The following RSPO2 variants were observed in gnomAD, a reference collection of about 807,000 sequenced individuals.
RSPO2 encodes the protein R-spondin-2.
Under a neutral mutation model 30.9 loss-of-function variants are expected in RSPO2, and 14 were observed. The ratio of observed to expected loss-of-function variants is 0.45; its 90% CI spans 0.30 to 0.71. The LOEUF (loss-of-function observed/expected upper bound fraction) is 0.71. RSPO2 is among the 30% of genes least tolerant of loss of function. The pLI is 0.08. For missense variants in RSPO2, 264 were observed against 301.9 expected, an observed-to-expected ratio of 0.87 and a Z score of 0.93; for synonymous variants, 107 against 96.4, an observed-to-expected ratio of 1.11 and a Z score of -0.64.
At chr8:107,915,301 T>C (rs1811945239) in intron 5 of RSPO2, among the ~76,000 whole-genome samples, 1 of 152,156 alleles carries the variant, frequency 6.6e-6, no homozygotes, top group African/African-American at 2.4e-5. Context: ...AGGGAATCTG[T>C]AGCTCTATTT....
At chr8:108,081,452 A>C (rs187051256) in intron 2 of RSPO2, among the ~76,000 whole-genome samples, 32 of 152,384 alleles carry the variant, frequency 2.1e-4, no homozygotes, top group African/African-American at 5.5e-4. Context: ...CTAATTGCGC[A>C]AAAGTCCAAA....
intron 2 of RSPO2, among the ~76,000 whole-genome samples, chr8:108,047,144 T>C (rs1811929683): frequency 6.6e-6 from 1 of 152,178 alleles, no homozygotes; most frequent in Non-Finnish European, 1.5e-5. Context: ...GACGAGCAAT[T>C]GGTAATATTT....
At chr8:108,065,333 A>G (rs1355175473) in intron 2 of RSPO2, among the ~76,000 whole-genome samples, 1 of 151,486 alleles carries the variant, frequency 6.6e-6, no homozygotes, top group Non-Finnish European at 1.5e-5. Flanking sequence ...GCACTTTACT[A>G]GTAAGAAAAG....
At chr8:108,062,819 A>G (rs913595571) in intron 2 of RSPO2, among the ~76,000 whole-genome samples, 1 of 151,826 alleles carries the variant, frequency 6.6e-6, no homozygotes, top group Non-Finnish European at 1.5e-5. Flanking sequence ...AGCACATCAA[A>G]AAGCTTATCC....
intron 3 of RSPO2, among the ~76,000 whole-genome samples, chr8:107,978,499 C>T (rs1814295932): frequency 6.6e-6 from 1 of 152,170 alleles, no homozygotes. Context: ...GAAACTGGAT[C>T]CCTTCCTTAC....
intron 5 of RSPO2, among the ~76,000 whole-genome samples, chr8:107,915,626 G>T (rs958877863): frequency 1.3e-5 from 2 of 151,986 alleles, no homozygotes; most frequent in Non-Finnish European, 2.9e-5. Flanking sequence ...ATGTGGAGTG[G>T]ATCTCAGAAG....
intron 3 of RSPO2, among the ~76,000 whole-genome samples, chr8:107,966,353 T>C (rs1813804718): frequency 6.6e-6 from 1 of 151,956 alleles, no homozygotes; most frequent in Non-Finnish European, 1.5e-5. Context: ...GAAAACAAGG[T>C]CCTTACACCT....
intron 2 of RSPO2, among the ~76,000 whole-genome samples, chr8:108,076,526 T>C (rs1813019393): frequency 6.6e-6 from 1 of 152,152 alleles, no homozygotes; most frequent in East Asian, 1.9e-4. Flanking sequence ...TAATCCGATA[T>C]AGTTTAGGCA....
chr8:107,917,158 G>A (rs1037736686), intron 5 of RSPO2, among the ~76,000 whole-genome samples: 28 of 152,228 alleles, frequency 1.8e-4, no homozygotes, highest in African/African-American at 6.5e-4. Flanking sequence ...GAAAAGCCAA[G>A]TTTCTTCTAT....
chr8:108,063,594 T>C (rs374173868), intron 2 of RSPO2, among the ~76,000 whole-genome samples: 1 of 151,704 alleles, frequency 6.6e-6, no homozygotes. Flanking sequence ...ATCATGAAAA[T>C]GGCCATACTG....
At chr8:107,979,707 T>C (rs1814356710) in intron 3 of RSPO2, among the ~76,000 whole-genome samples, 1 of 152,008 alleles carries the variant, frequency 6.6e-6, no homozygotes, top group East Asian at 1.9e-4. Context: ...CTGTGAGTCA[T>C]TGAGGTCTCT....
chr8:107,929,048 T>C (rs886441662), intron 5 of RSPO2, among the ~76,000 whole-genome samples: 3 of 152,164 alleles, frequency 2.0e-5, no homozygotes, highest in Non-Finnish European at 4.4e-5. Context: ...CTGACACTGT[T>C]GCAAGGCCAA....
At chr8:108,001,720 G>T (rs2514827) in intron 2 of RSPO2, among the ~76,000 whole-genome samples, 97,964 of 151,880 alleles carry the variant, frequency 0.65, 33,844 homozygotes, top group African/African-American at 0.87. Flanking sequence ...CTAAGTTCTA[G>T]AAAATAAGCC....
At chr8:107,964,004 G>A (rs1586583512) in intron 3 of RSPO2, among the ~76,000 whole-genome samples, 1 of 152,136 alleles carries the variant, frequency 6.6e-6, no homozygotes, top group Non-Finnish European at 1.5e-5. Context: ...CACTCAAATT[G>A]TAAGGGGAAA....
chr8:108,044,236 G>GT (rs796625725), intron 2 of RSPO2, among the ~76,000 whole-genome samples: 2 of 151,936 alleles, frequency 1.3e-5, no homozygotes, highest in Middle Eastern at 3.4e-3. Context: ...GAGGTTTTGT[G>GT]TTTTTTTGTA....
At chr8:108,054,929 C>A (rs1466360854) in intron 2 of RSPO2, among the ~76,000 whole-genome samples, 1 of 151,952 alleles carries the variant, frequency 6.6e-6, no homozygotes, top group Non-Finnish European at 1.5e-5. Flanking sequence ...GCCTGGGCAA[C>A]AAAGCAAAAC....
At chr8:108,049,807 T>C (rs1343166503) in intron 2 of RSPO2, among the ~76,000 whole-genome samples, 3 of 152,188 alleles carry the variant, frequency 2.0e-5, no homozygotes, top group Non-Finnish European at 4.4e-5. Context: ...CTGTCATTAA[T>C]GGGCATGTGG....
chr8:107,961,938 A>C (rs1018955598), intron 3 of RSPO2, among the ~76,000 whole-genome samples: 2 of 152,236 alleles, frequency 1.3e-5, no homozygotes, highest in Non-Finnish European at 2.9e-5. Context: ...TGGCATGCAC[A>C]GGTGAAAATA....
intron 2 of RSPO2, among the ~76,000 whole-genome samples, chr8:108,078,902 A>G (rs1205904608): frequency 6.6e-6 from 1 of 152,218 alleles, no homozygotes; most frequent in Non-Finnish European, 1.5e-5. Context: ...AGGTATAAAA[A>G]TAGAATGAGG....
Sources: allele counts gnomAD v4.1 joint callset (sites outside exome capture counted in the v4.1 genomes callset), GRCh38; gene constraint gnomAD v4.1.1; transcripts MANE v1.5; gene names NCBI Gene and HGNC (gene_info 2026-07-23, HGNC 2026-07-21).